Variants in NRG1 observed in about 807,000 individuals in gnomAD.
NRG1 encodes the protein pro-neuregulin-1, membrane-bound isoform.
Under a neutral mutation model 63.8 loss-of-function variants are expected in NRG1, and 18 were observed. That is an observed-to-expected ratio of 0.28 (90% confidence interval 0.19 to 0.42). NRG1 has a LOEUF of 0.42. Among genes scored for constraint, NRG1 ranks in the 10% least tolerant of loss-of-function variants. The pLI is 1.00. For synonymous variants in NRG1, 302 were observed against 301.3 expected (o/e 1.00, Z -0.02); for missense variants, 762 against 814.7 (o/e 0.94, Z 0.79).
At chr8:32,355,225 G>A (rs996164760) in intron 1 of NRG1, among the ~76,000 whole-genome samples, 8 of 152,130 alleles carry the variant, frequency 5.3e-5, no homozygotes, top group African/African-American at 1.4e-4. Context: ...TTGGGTGGCC[G>A]AGATGGGCAG....
At chr8:31,993,280 C>A (rs937062482) in intron 1 of NRG1, among the ~76,000 whole-genome samples, 5 of 151,926 alleles carry the variant, frequency 3.3e-5, no homozygotes, top group Non-Finnish European at 5.9e-5. Flanking sequence ...TCCTACACAG[C>A]CAATTAAGGA....
intron 1 of NRG1, among the ~76,000 whole-genome samples, chr8:32,198,223 A>G (rs1008243820): frequency 1.7e-4 from 26 of 152,250 alleles, no homozygotes; most frequent in African/African-American, 6.3e-4. Flanking sequence ...TGTCCCACAG[A>G]CTGGAGTACA....
intron 5 of NRG1, among the ~76,000 whole-genome samples, chr8:32,702,985 C>T (rs556893906): frequency 1.3e-5 from 2 of 152,180 alleles, no homozygotes; most frequent in African/African-American, 2.4e-5. Context: ...TGAGGGCTAA[C>T]CTAGAATTGC....
At chr8:31,956,112 A>T (rs192008818) in intron 1 of NRG1, among the ~76,000 whole-genome samples, 1 of 152,148 alleles carries the variant, frequency 6.6e-6, no homozygotes, top group African/African-American at 2.4e-5. Flanking sequence ...CATCTTATGC[A>T]TTATTCCCCC....
intron 1 of NRG1, among the ~76,000 whole-genome samples, chr8:32,219,513 A>G (rs1250295592): frequency 6.6e-6 from 1 of 152,212 alleles, no homozygotes; most frequent in East Asian, 1.9e-4. Context: ...TTCAGTTCCT[A>G]TAATTGCCAA....
intron 1 of NRG1, among the ~76,000 whole-genome samples, chr8:32,373,645 G>T (rs1809222998): frequency 6.6e-6 from 1 of 152,074 alleles, no homozygotes; most frequent in Admixed American, 6.6e-5. Context: ...AGGAGTGGTG[G>T]CAGGCACCTG....
intron 1 of NRG1, among the ~76,000 whole-genome samples, chr8:32,369,647 A>C (rs1808550581): frequency 6.6e-6 from 1 of 152,178 alleles, no homozygotes; most frequent in South Asian, 2.1e-4. Flanking sequence ...TGAGGAGATC[A>C]CCTTTATTAA....
intron 1 of NRG1, among the ~76,000 whole-genome samples, chr8:31,831,074 G>A (rs1193369313): frequency 1.3e-5 from 2 of 151,852 alleles, no homozygotes; most frequent in East Asian, 1.9e-4. Context: ...TTTTAAGATA[G>A]CACAGAGTTT....
At chr8:32,218,440 G>C (rs1299535275) in intron 1 of NRG1, among the ~76,000 whole-genome samples, 6 of 152,088 alleles carry the variant, frequency 3.9e-5, no homozygotes, top group African/African-American at 1.4e-4. Context: ...TGGTTCTGGG[G>C]CTGATCCATT....
chr8:31,847,596 A>G (rs1023641224), intron 1 of NRG1, among the ~76,000 whole-genome samples: 3 of 152,196 alleles, frequency 2.0e-5, no homozygotes, highest in Non-Finnish European at 4.4e-5. Context: ...TGCTCATGTC[A>G]CTACCTGGAA....
intron 1 of NRG1, among the ~76,000 whole-genome samples, chr8:32,580,819 A>G (rs1840500217): frequency 6.6e-6 from 1 of 151,092 alleles, no homozygotes; most frequent in Non-Finnish European, 1.5e-5. Context: ...ATAAGTTGTT[A>G]TTAGGAATAA....
At chr8:32,622,697 G>A (rs572363917) in intron 5 of NRG1, among the ~76,000 whole-genome samples, 3 of 152,226 alleles carry the variant, frequency 2.0e-5, no homozygotes, top group East Asian at 1.9e-4. Flanking sequence ...GCCTGGCCCC[G>A]AGATTCAGTT....
In NRG1 at chr8:31,781,204, A is replaced by G. The variant is rs1051234262; in HGVS notation, c.37+141773A>G. On this transcript the variant is annotated intron_variant, in intron 1 of 10. Transcript: ENST00000519301. Reference sequence around the variant, plus strand: ...AAGAAGAGGAAATAGTTTAAGATAGATCTGACATGGAACATTAATTTGATT... The same window carrying G: ...AAGAAGAGGAAATAGTTTAAGATAGGTCTGACATGGAACATTAATTTGATT... Among the ~76,000 whole-genome samples the G allele has an allele frequency of 2.0e-5, 3 of 152,292 alleles. No homozygotes were observed. In the East Asian group the frequency reaches 5.8e-4, roughly 29 times the overall value.
At chr8:32,340,485 T>C (rs1017427175) in intron 1 of NRG1, among the ~76,000 whole-genome samples, 1 of 152,214 alleles carries the variant, frequency 6.6e-6, no homozygotes, top group African/African-American at 2.4e-5. Flanking sequence ...TGCTGTACCA[T>C]TGGTAGTAAA....
chr8:32,152,322 G>C (rs1231797556), intron 1 of NRG1, among the ~76,000 whole-genome samples: 1 of 152,092 alleles, frequency 6.6e-6, no homozygotes, highest in Admixed American at 6.5e-5. Context: ...CATATTCCAA[G>C]TTTAACTTTT....
intron 1 of NRG1, among the ~76,000 whole-genome samples, chr8:31,992,140 G>C (rs1000594599): frequency 2.0e-5 from 3 of 151,702 alleles, no homozygotes; most frequent in African/African-American, 7.3e-5. Context: ...TTCAAGACCA[G>C]CCTGAGCAAC....
intron 1 of NRG1, among the ~76,000 whole-genome samples, chr8:32,387,379 A>G (rs140878158): frequency 4.6e-5 from 7 of 152,298 alleles, no homozygotes; most frequent in African/African-American, 4.8e-5. Flanking sequence ...TTAGGTTTCT[A>G]ATGTATTATT....
At chr8:31,790,998 G>T (rs1267160209) in intron 1 of NRG1, among the ~76,000 whole-genome samples, 1 of 152,016 alleles carries the variant, frequency 6.6e-6, no homozygotes, top group Non-Finnish European at 1.5e-5. Context: ...ATCACTTGAG[G>T]TCAGGAGTTG....
At chr8:31,810,260 C>T (rs1207865006) in intron 1 of NRG1, among the ~76,000 whole-genome samples, 2 of 152,104 alleles carry the variant, frequency 1.3e-5, no homozygotes, top group Non-Finnish European at 2.9e-5. Context: ...CTGGGCTCTG[C>T]TTCCATTCTT....
Sources: allele counts gnomAD v4.1 joint callset (sites outside exome capture counted in the v4.1 genomes callset), GRCh38; gene constraint gnomAD v4.1.1; transcripts MANE v1.5; gene names NCBI Gene and HGNC (gene_info 2026-07-23, HGNC 2026-07-21).